The following RNF220 variants were observed in gnomAD, a reference collection of about 807,000 sequenced individuals.
RNF220 encodes the protein E3 ubiquitin-protein ligase RNF220.
Under a neutral mutation model 67.1 loss-of-function variants are expected in RNF220, and 7 were observed. That is an observed-to-expected ratio of 0.10 (90% CI 0.06 to 0.20). The LOEUF (loss-of-function observed/expected upper bound fraction) is 0.20. RNF220 is among the 10% of genes least tolerant of loss of function. The pLI is 1.00. For missense variants in RNF220, 565 were observed against 740.3 expected (o/e 0.76, Z 2.75); for synonymous variants, 270 against 283.2 (o/e 0.95, Z 0.47).
At chr1:44,492,180 G>A (rs1656914062) in intron 2 of RNF220, among the ~76,000 whole-genome samples, 1 of 152,150 alleles carries the variant, frequency 6.6e-6, no homozygotes, top group Admixed American at 6.6e-5. Context: ...AATATCTTTA[G>A]TCATCAGGGA....
intron 2 of RNF220, among the ~76,000 whole-genome samples, chr1:44,568,921 G>T (rs1275899118): frequency 6.6e-6 from 1 of 152,020 alleles, no homozygotes; most frequent in Non-Finnish European, 1.5e-5. Context: ...AGACAGACTG[G>T]GTCTGGGAGC....
intron 2 of RNF220, among the ~76,000 whole-genome samples, chr1:44,476,066 A>G (rs986862405): frequency 9.9e-5 from 15 of 152,138 alleles, no homozygotes; most frequent in South Asian, 2.1e-4. Flanking sequence ...TATGATATAC[A>G]TGCTTATAAA....
chr1:44,486,238 GGCC>G (rs1656292472), intron 2 of RNF220, among the ~76,000 whole-genome samples: 1 of 152,062 alleles, frequency 6.6e-6, no homozygotes, highest in Non-Finnish European at 1.5e-5. Context: ...GAAAGGGGGG[GGCC>G]TTTGGGCGAC....
At chr1:44,589,550 C>A (rs12069382) in intron 2 of RNF220, among the ~76,000 whole-genome samples, 2,817 of 137,464 alleles carry the variant, frequency 0.02, 85 homozygotes, top group African/African-American at 0.07. Context: ...GGAGGAGGAG[C>A]TTGCAGTGAG....
At chr1:44,519,007 C>A (rs767567560) in intron 2 of RNF220, among the ~76,000 whole-genome samples, 4 of 151,488 alleles carry the variant, frequency 2.6e-5, no homozygotes, top group Non-Finnish European at 4.4e-5. Flanking sequence ...AATGAATGAA[C>A]GAACAAATGA....
rs971897813 is a variant in RNF220 at position 44,645,625 on chromosome 1, C to T, written c.1445+137C>T. 23 of 795,184 alleles carry T rather than the reference C, an allele frequency of 2.9e-5. No individual in the cohort carries two copies. Among genetic ancestry groups the T allele is most frequent in the African/African-American group, 2.1e-4 (12 of 58,048 alleles). 49.3% of individuals were successfully genotyped at this position (795,184 alleles called of 1,614,324 possible). On this transcript the variant is annotated intron_variant, in intron 12 of 14. Coordinates refer to ENST00000361799, the MANE Select transcript of RNF220 (RefSeq NM_018150.4). This position sits in a 1 kb window ranked among gnomAD's most constrained non-coding sequence, Gnocchi z 5.0. ...AGTGCTGCTGCCCTGGGCACACGGCCGGCAGTGGAGCCCAGCTGGTGCTAA... is the reference window on the plus strand; with the variant it reads ...AGTGCTGCTGCCCTGGGCACACGGCTGGCAGTGGAGCCCAGCTGGTGCTAA...
At chr1:44,520,784 A>G (rs1316412727) in intron 2 of RNF220, among the ~76,000 whole-genome samples, 1 of 152,236 alleles carries the variant, frequency 6.6e-6, no homozygotes, top group Non-Finnish European at 1.5e-5. Context: ...AAGACTGTAC[A>G]AGTTTCTTTG....
intron 2 of RNF220, among the ~76,000 whole-genome samples, chr1:44,415,864 A>G (rs966528439): frequency 6.6e-6 from 1 of 152,236 alleles, no homozygotes; most frequent in Non-Finnish European, 1.5e-5. Context: ...ATCTGCAGAT[A>G]TGTCCACTTG....
intron 2 of RNF220, among the ~76,000 whole-genome samples, chr1:44,557,678 A>G (rs916976566): frequency 3.3e-5 from 5 of 152,158 alleles, no homozygotes; most frequent in Non-Finnish European, 5.9e-5. Context: ...TAGACCCACC[A>G]TTTGGGAGAA....
chr1:44,614,873 G>T (rs1643479049), intron 3 of RNF220, among the ~76,000 whole-genome samples: 1 of 152,106 alleles, frequency 6.6e-6, no homozygotes, highest in Non-Finnish European at 1.5e-5. Context: ...GTAGAGGAGA[G>T]GTGTGACAAA....
At chr1:44,527,950 A>AAAAAAAG (rs1439140210) in intron 2 of RNF220, among the ~76,000 whole-genome samples, 5 of 149,404 alleles carry the variant, frequency 3.3e-5, no homozygotes, top group Admixed American at 6.7e-5. Flanking sequence ...AAAAAAAAAA[A>AAAAAAAG]AGTTAAATGC....
At chr1:44,549,909 A>G (rs935676972) in intron 2 of RNF220, among the ~76,000 whole-genome samples, 2 of 152,060 alleles carry the variant, frequency 1.3e-5, no homozygotes, top group African/African-American at 4.8e-5. Flanking sequence ...CTCAGATTTC[A>G]TTGGTTTATT....
At chr1:44,471,448 G>T (rs1654799602) in intron 2 of RNF220, among the ~76,000 whole-genome samples, 1 of 150,754 alleles carries the variant, frequency 6.6e-6, no homozygotes, top group African/African-American at 2.5e-5. Flanking sequence ...AAGTGTACAA[G>T]TCAGTGGTTT....
chr1:44,499,972 G>T (rs890603740), intron 2 of RNF220, among the ~76,000 whole-genome samples: 1 of 152,150 alleles, frequency 6.6e-6, no homozygotes, highest in African/African-American at 2.4e-5. Flanking sequence ...AATCCTGTTG[G>T]TTCCCAAATC....
intron 2 of RNF220, among the ~76,000 whole-genome samples, chr1:44,567,788 A>C (rs149841973): frequency 6.6e-4 from 101 of 152,160 alleles, no homozygotes; most frequent in African/African-American, 2.3e-3. Flanking sequence ...TCTACTAGGG[A>C]GAAAGACTTC....
chr1:44,563,654 T>G (rs1663763675), intron 2 of RNF220, among the ~76,000 whole-genome samples: 2 of 152,244 alleles, frequency 1.3e-5, no homozygotes, highest in Non-Finnish European at 2.9e-5. Flanking sequence ...GAATCTCTGA[T>G]AACATCTTAG....
At chr1:44,411,642 T>G (rs1415538142) in intron 1 of RNF220, among the ~76,000 whole-genome samples, 1 of 152,228 alleles carries the variant, frequency 6.6e-6, no homozygotes, top group Non-Finnish European at 1.5e-5. Flanking sequence ...GACCCCCACT[T>G]AATCTACTGG....
intron 2 of RNF220, among the ~76,000 whole-genome samples, chr1:44,432,662 A>C (rs955956264): frequency 1.3e-5 from 2 of 152,072 alleles, no homozygotes; most frequent in African/African-American, 4.8e-5. Context: ...CTACAACCTC[A>C]AACCCCTGGG....
chr1:44,431,236 C>T (rs1019461419), intron 2 of RNF220, among the ~76,000 whole-genome samples: 1 of 152,078 alleles, frequency 6.6e-6, no homozygotes, highest in African/African-American at 2.4e-5. Context: ...TGGCTCATGC[C>T]TGTAATCCCA....
Sources: gnomAD v4.1 joint callset for allele counts (sites outside exome capture counted in the v4.1 genomes callset) on GRCh38, gnomAD v4.1.1 for gene constraint, Gnocchi (gnomAD v3.1) non-coding constraint, MANE v1.5 for transcripts, NCBI Gene and HGNC (gene_info 2026-07-23, HGNC 2026-07-21) for gene names.